The following RUNX2 variants were observed in gnomAD, a reference collection of about 807,000 sequenced individuals.
RUNX2 encodes RUNX family transcription factor 2, also known as runt-related transcription factor 2.
A neutral mutation model predicts 51.7 loss-of-function variants in RUNX2; 10 were observed. That is an observed-to-expected ratio of 0.19 (90% CI 0.12 to 0.33). The LOEUF (loss-of-function observed/expected upper bound fraction) is 0.33, where lower values mean the gene tolerates loss of function less well. RUNX2 is among the 10% of genes least tolerant of loss of function. The pLI is 1.00. For synonymous variants in RUNX2, 276 were observed against 273.6 expected (o/e 1.01, Z -0.09); for missense variants, 562 against 691.3 (o/e 0.81, Z 2.10).
In RUNX2 at chr6:45,383,457, C is replaced by A. The variant is rs1405316164; in HGVS notation, c.59-39136C>A. Among the ~76,000 whole-genome samples, 6 of 152,104 alleles carry A rather than the reference C, an allele frequency of 3.9e-5. No homozygotes were observed. The East Asian group carries it at 1.2e-3, about 29-fold the overall frequency. On this transcript the variant is annotated intron_variant, in intron 2 of 8. Coordinates refer to ENST00000647337, the MANE Select transcript of RUNX2 (RefSeq NM_001024630.4). ...GTCTCAGTAAATAAATAAATAAGTT[C>A]TTAAGGAAATGAGAACTTTGAATTT...
chr6:45,451,873 T>A (rs749596735), intron 5 of RUNX2, among the ~76,000 whole-genome samples: 25 of 152,210 alleles, frequency 1.6e-4, no homozygotes, highest in Non-Finnish European at 3.2e-4. Context: ...AAAGGCATGA[T>A]TTCTGTTTTC....
intron 6 of RUNX2, among the ~76,000 whole-genome samples, chr6:45,498,706 C>T (rs1313041767): frequency 6.6e-6 from 1 of 152,116 alleles, no homozygotes; most frequent in African/African-American, 2.4e-5. Context: ...TCTGTATTCC[C>T]TCAGCAAACA....
At position 45,422,674 on chromosome 6, in the gene RUNX2, C is replaced by T; in HGVS notation, c.140C>T (p.Ala47Val). The T allele has an allele frequency of 1.2e-6, 2 of 1,606,236 alleles. No individual in the cohort carries two copies. The highest frequency in any genetic ancestry group is 1.3e-5 in the African/African-American group (1 of 74,488). The change falls in exon 3 of 9, where the codon GCT becomes GTT. Residue 47 changes from alanine to valine, a missense_variant. By Grantham distance (64) the Ala-to-Val change is moderately conservative. Transcript: ENST00000647337. ...GKMSDVSPVV[A>V]AQQQQQQQQQ... ...ATGAGCGACGTGAGCCCGGTGGTGG[C>T]TGCGCAACAGCAGCAGCAACAGCAG...
chr6:45,399,759 A>AAAGG (rs77744169), intron 2 of RUNX2, among the ~76,000 whole-genome samples: 33,246 of 145,066 alleles, frequency 0.23, 4,606 homozygotes, highest in Non-Finnish European at 0.32. Flanking sequence ...GGAAGAGAGG[A>AAAGG]AAGGAAGGAA....
At position 45,422,831 on chromosome 6, in the gene RUNX2, C is replaced by T; in HGVS notation, c.297C>T (p.Asn99=). The change falls in exon 3 of 9, where the codon AAC becomes AAT. Residue 99 remains asparagine, a synonymous_variant. Transcript: ENST00000647337. Reference sequence around the variant, plus strand: ...CCCGGTTGCGGCCGCCCCACGACAACCGCACCATGGTGGAGATCATCGCCG... The same window carrying T: ...CCCGGTTGCGGCCGCCCCACGACAATCGCACCATGGTGGAGATCATCGCCG... ...AVPRLRPPHD[N]RTMVEIIADH... 2 of 1,608,074 alleles carry T rather than the reference C, an allele frequency of 1.2e-6. No homozygotes were observed. The highest frequency in any genetic ancestry group is 1.7e-6 in the Non-Finnish European group (2 of 1,178,496).
At chr6:45,418,712 T>C (rs555586335) in intron 2 of RUNX2, among the ~76,000 whole-genome samples, 1 of 152,138 alleles carries the variant, frequency 6.6e-6, no homozygotes, top group Non-Finnish European at 1.5e-5. Context: ...TCAGTTCCAG[T>C]CGAAAGTGTG....
rs560238330 is a variant in RUNX2 at position 45,365,131 on chromosome 6, T to C, written c.58+36347T>C. 1.0e-5 allele frequency: 9 copies of C among 886,758 alleles called. No homozygotes were observed. In the East Asian group the frequency reaches 2.3e-4, roughly 23 times the overall value. 54.9% of individuals were successfully genotyped at this position (886,758 alleles called of 1,614,324 possible). A position where few individuals can be genotyped will look rare whatever the true frequency, so the allele number is the denominator to read the frequency against. Reference sequence around the variant, plus strand: ...CCAAGTTAAGTTTTATAAATGTTGTTATGTCTATTGTCTTTCAACATGAAT... The same window carrying C: ...CCAAGTTAAGTTTTATAAATGTTGTCATGTCTATTGTCTTTCAACATGAAT... On this transcript the variant is annotated intron_variant, in intron 2 of 8. Transcript: ENST00000647337.
chr6:45,379,738 T>C (rs1000685838), intron 2 of RUNX2, among the ~76,000 whole-genome samples: 2 of 152,028 alleles, frequency 1.3e-5, no homozygotes, highest in East Asian at 1.9e-4. Context: ...TGGTGGCACG[T>C]GCCTGTAGTC....
intron 5 of RUNX2, among the ~76,000 whole-genome samples, chr6:45,469,845 C>T (rs1799744666): frequency 6.6e-6 from 1 of 152,190 alleles, no homozygotes; most frequent in South Asian, 2.1e-4. Context: ...GCCCAGTGCT[C>T]ACTCCACCCA....
At chr6:45,392,080 C>T (rs1394572655) in intron 2 of RUNX2, among the ~76,000 whole-genome samples, 3 of 152,110 alleles carry the variant, frequency 2.0e-5, no homozygotes, top group African/African-American at 7.2e-5. Flanking sequence ...ATTTTCCTTG[C>T]TTGTACAGTA....
At chr6:45,378,556 T>C (rs1458367779) in intron 2 of RUNX2, among the ~76,000 whole-genome samples, 1 of 152,140 alleles carries the variant, frequency 6.6e-6, no homozygotes. Context: ...TCGCACAGAA[T>C]CTGTTTCATT....
chr6:45,330,786 G>A (rs989720232), intron 2 of RUNX2, among the ~76,000 whole-genome samples: 5 of 150,938 alleles, frequency 3.3e-5, no homozygotes, highest in African/African-American at 4.9e-5. Context: ...TTCCCTCCCC[G>A]CCAGCCCCCA....
chr6:45,435,699 C>T (rs1404115539), intron 4 of RUNX2, among the ~76,000 whole-genome samples: 1 of 152,146 alleles, frequency 6.6e-6, no homozygotes, highest in Non-Finnish European at 1.5e-5. Context: ...TTAAGGATAA[C>T]TGAGATCTGT....
intron 5 of RUNX2, among the ~76,000 whole-genome samples, chr6:45,463,397 G>A (rs1475026956): frequency 6.6e-6 from 1 of 152,190 alleles, no homozygotes; most frequent in South Asian, 2.1e-4. Context: ...ATGCTAAATA[G>A]ACTGCCATTA....
At chr6:45,370,125 G>A (rs546989408) in intron 2 of RUNX2, among the ~76,000 whole-genome samples, 1 of 152,324 alleles carries the variant, frequency 6.6e-6, no homozygotes, top group African/African-American at 2.4e-5. Flanking sequence ...TATACTATAT[G>A]GAAGCAAGAG....
At position 45,406,677 on chromosome 6, in the gene RUNX2, G is replaced by A. The variant is rs140798572; in HGVS notation, c.59-15916G>A. Among the ~76,000 whole-genome samples the A allele has an allele frequency of 5.0e-3, 761 of 152,172 alleles. 5 individuals are homozygous for A. The highest frequency in any genetic ancestry group is 7.3e-3 in the Admixed American group (112 of 15,276). ...CGCCTTGGCCCCCCAAAGTGCTGGG[G>A]TTAGCATTACATTTAGTTTTATTGC... On this transcript the variant is annotated intron_variant, in intron 2 of 8. Transcript: ENST00000647337.
intron 5 of RUNX2, among the ~76,000 whole-genome samples, chr6:45,462,405 G>A (rs1327257519): frequency 6.6e-6 from 1 of 152,162 alleles, no homozygotes; most frequent in Non-Finnish European, 1.5e-5. Flanking sequence ...ATCTGTGGGA[G>A]GGATGTATAA....
intron 7 of RUNX2, among the ~76,000 whole-genome samples, chr6:45,535,866 A>C (rs1264855329): frequency 6.6e-6 from 1 of 151,980 alleles, no homozygotes; most frequent in East Asian, 1.9e-4. Flanking sequence ...AGAAGATGGA[A>C]AAGGGTCTGG....
intron 2 of RUNX2, among the ~76,000 whole-genome samples, chr6:45,355,367 T>C (rs1238638826): frequency 6.6e-6 from 1 of 152,038 alleles, no homozygotes; most frequent in East Asian, 1.9e-4. Flanking sequence ...AAACTGTCTC[T>C]ATGAGGAAGT....
Sources: allele counts gnomAD v4.1 joint callset (sites outside exome capture counted in the v4.1 genomes callset), GRCh38; gene constraint gnomAD v4.1.1; transcripts MANE v1.5; gene names NCBI Gene and HGNC (gene_info 2026-07-23, HGNC 2026-07-21).